The following CSMD2 variants were observed in gnomAD, a reference collection of about 807,000 sequenced individuals.
CSMD2 encodes the protein CUB and sushi domain-containing protein 2.
Under a neutral mutation model 398.5 loss-of-function variants are expected in CSMD2, and 130 were observed. That is an observed-to-expected ratio of 0.33 (90% CI 0.28 to 0.38). The LOEUF is 0.38. CSMD2 is among the 10% of genes least tolerant of loss of function. The pLI, the probability that CSMD2 is intolerant of heterozygous loss-of-function variation, is 1.00. For missense variants in CSMD2, 3,829 were observed against 4,764.9 expected, an observed-to-expected ratio of 0.80 and a Z score of 5.78; for synonymous variants, 1,828 against 1,908.5, an observed-to-expected ratio of 0.96 and a Z score of 1.10.
intron 9 of CSMD2, chr1:33,815,271 A>G (rs935070304): frequency 3.0e-4 from 45 of 152,156 alleles, no homozygotes; most frequent in African/African-American, 1.1e-3. Flanking sequence ...GACACTACTG[A>G]TCTTTCTCTC....
At chr1:33,554,185 CTTTTTTTTTTT>C (rs397860875) in intron 55 of CSMD2, among the ~76,000 whole-genome samples, 2 of 74,386 alleles carry the variant, frequency 2.7e-5, no homozygotes, top group East Asian at 4.6e-4. Context: ...AAAAAACAGC[CTTTTTTTTTTT>C]TTTTTTTTTT....
At chr1:34,047,019 T>C (rs531643955) in intron 2 of CSMD2, among the ~76,000 whole-genome samples, 4 of 152,272 alleles carry the variant, frequency 2.6e-5, no homozygotes, top group Admixed American at 2.6e-4. Flanking sequence ...ACACAGCAGC[T>C]TCTGTGATCA....
intron 6 of CSMD2, among the ~76,000 whole-genome samples, chr1:33,843,906 T>C (rs1661106383): frequency 6.6e-6 from 1 of 152,188 alleles, no homozygotes; most frequent in Non-Finnish European, 1.5e-5. Flanking sequence ...CTTCTATGGC[T>C]CCAGCTCTTG....
chr1:33,890,394 C>T (rs1641922395), intron 5 of CSMD2, among the ~76,000 whole-genome samples: 1 of 151,940 alleles, frequency 6.6e-6, no homozygotes. Context: ...CCACGCCTGG[C>T]TAATTTTTTG....
chr1:33,809,393 T>C (rs1420064367), intron 10 of CSMD2, among the ~76,000 whole-genome samples: 1 of 151,966 alleles, frequency 6.6e-6, no homozygotes, highest in African/African-American at 2.4e-5. Context: ...ACTAAGAGAA[T>C]AAAGGAGAAA....
chr1:33,895,116 T>C (rs1337693583), intron 5 of CSMD2, among the ~76,000 whole-genome samples: 1 of 152,226 alleles, frequency 6.6e-6, no homozygotes, highest in African/African-American at 2.4e-5. Flanking sequence ...CTACATGTTG[T>C]ATGTTAGATT....
intron 5 of CSMD2, among the ~76,000 whole-genome samples, chr1:33,876,637 C>T (rs946140354): frequency 2.0e-5 from 3 of 152,200 alleles, no homozygotes; most frequent in Non-Finnish European, 4.4e-5. Context: ...AGGCGACTTG[C>T]TTGAGGTCAC....
intron 27 of CSMD2, among the ~76,000 whole-genome samples, chr1:33,657,073 T>C (rs1014215735): frequency 6.6e-6 from 1 of 152,156 alleles, no homozygotes; most frequent in Non-Finnish European, 1.5e-5. Flanking sequence ...CAGTCTCAAG[T>C]AGTTAGAGGC....
At chr1:33,990,842 A>T (rs1646528888) in intron 3 of CSMD2, among the ~76,000 whole-genome samples, 1 of 152,232 alleles carries the variant, frequency 6.6e-6, no homozygotes, top group African/African-American at 2.4e-5. Flanking sequence ...GGGTTGCCAG[A>T]TAAAATATAC....
At chr1:33,554,037 A>T (rs1033052971) in intron 55 of CSMD2, among the ~76,000 whole-genome samples, 3 of 152,124 alleles carry the variant, frequency 2.0e-5, no homozygotes. Context: ...ACGTTTAAGG[A>T]AAGAGGCCAT....
At position 33,998,360 on chromosome 1, in the gene CSMD2, T is replaced by C. The variant is rs139135006; in HGVS notation, c.517+34234A>G. Among the ~76,000 whole-genome samples the C allele has an allele frequency of 1.1e-3, 165 of 152,310 alleles. No homozygotes were observed. The Middle Eastern group carries it at 0.027, about 25-fold the overall frequency. On this transcript the variant is annotated intron_variant, in intron 3 of 70. Transcript: ENST00000373381. Reference sequence around the variant, plus strand: ...TCCATAACTCAGCCTCCATTCCTTTTTAAATAAATTTCCCAGTTTCAGGTA... The same window carrying C: ...TCCATAACTCAGCCTCCATTCCTTTCTAAATAAATTTCCCAGTTTCAGGTA...
intron 24 of CSMD2, among the ~76,000 whole-genome samples, chr1:33,695,320 G>A (rs766656199): frequency 6.6e-6 from 1 of 152,200 alleles, no homozygotes. Context: ...AAGAATTGCA[G>A]TGATTATACA....
In CSMD2 at chr1:33,825,686, C is replaced by T. The variant is rs748131668; in HGVS notation, c.1111+11G>A. ...GAGGCCCGGCAGGCGGGCTGGCGGG[C>T]GGACACTTACACACAGACGTCTTCT... On this transcript the variant is annotated intron_variant, in intron 7 of 70. Coordinates refer to ENST00000373381, the MANE Select transcript of CSMD2 (RefSeq NM_001281956.2). 5.8e-5 allele frequency: 91 copies of T among 1,581,208 alleles called. 1 individual carries two copies. The highest frequency in any genetic ancestry group is 7.0e-5 in the Non-Finnish European group (82 of 1,165,728).
chr1:33,830,938 A>C (rs535827947), intron 6 of CSMD2, among the ~76,000 whole-genome samples: 25 of 152,338 alleles, frequency 1.6e-4, no homozygotes, highest in African/African-American at 5.8e-4. Flanking sequence ...GAATGAAATG[A>C]AGTGAGAAGG....
rs192575080 is a variant in CSMD2, at chr1:33,740,822, T to A, written c.2174-1488A>T. Among the ~76,000 whole-genome samples, 571 of 152,204 alleles carry A rather than the reference T, an allele frequency of 3.8e-3. 3 individuals are homozygous for A. The highest frequency in any genetic ancestry group is 0.013 in the African/African-American group (542 of 41,540). On this transcript the variant is annotated intron_variant, in intron 14 of 70. Coordinates refer to ENST00000373381, the MANE Select transcript of CSMD2 (RefSeq NM_001281956.2). ...ATACACCCACATATGAACACACACATACACGCGCGCGCGTGCATGCGCACA... is the reference window on the plus strand; with the variant it reads ...ATACACCCACATATGAACACACACAAACACGCGCGCGCGTGCATGCGCACA...
At chr1:34,120,523 T>G (rs536365358) in intron 1 of CSMD2, among the ~76,000 whole-genome samples, 6 of 152,282 alleles carry the variant, frequency 3.9e-5, no homozygotes, top group African/African-American at 1.4e-4. Context: ...AGGTGTATAG[T>G]AGGACAACAA....
At chr1:34,107,840 C>T (rs891227851) in intron 1 of CSMD2, among the ~76,000 whole-genome samples, 1 of 152,094 alleles carries the variant, frequency 6.6e-6, no homozygotes, top group Non-Finnish European at 1.5e-5. Context: ...AGAAAGGGGA[C>T]CACATGGGGA....
At chr1:33,723,298 A>T (rs1055964265) in intron 19 of CSMD2, among the ~76,000 whole-genome samples, 4 of 152,382 alleles carry the variant, frequency 2.6e-5, no homozygotes, top group South Asian at 2.1e-4. Flanking sequence ...TTCTGAAAAC[A>T]TAGATGCCTG....
intron 1 of CSMD2, among the ~76,000 whole-genome samples, chr1:34,106,740 A>C (rs75064443): frequency 6.6e-6 from 1 of 152,176 alleles, no homozygotes; most frequent in Non-Finnish European, 1.5e-5. Flanking sequence ...CATGCAACAA[A>C]GGCACAAAAC....
Sources: allele counts gnomAD v4.1 joint callset (sites outside exome capture counted in the v4.1 genomes callset), GRCh38; gene constraint gnomAD v4.1.1; transcripts MANE v1.5; gene names NCBI Gene and HGNC (gene_info 2026-07-23, HGNC 2026-07-21).